The following PCSK6 variants were observed in gnomAD, a reference collection of about 807,000 sequenced individuals.
PCSK6 encodes paired basic amino acid cleaving enzyme 4.
A neutral mutation model predicts 123.3 loss-of-function variants in PCSK6; 85 were observed. The ratio of observed to expected loss-of-function variants is 0.69; its 90% CI spans 0.58 to 0.83. PCSK6 has a LOEUF of 0.83. Ranked by LOEUF, PCSK6 falls within the 40% of genes least tolerant of loss-of-function variation. The pLI, the probability that PCSK6 is intolerant of heterozygous loss-of-function variation, is 0.00. For synonymous variants in PCSK6, 508 were observed against 516.0 expected, an observed-to-expected ratio of 0.98 and a Z score of 0.21; for missense variants, 1,191 against 1,282.3, an observed-to-expected ratio of 0.93 and a Z score of 1.09.
At chr15:101,372,878 A>T (rs2041626871) in intron 11 of PCSK6, among the ~76,000 whole-genome samples, 1 of 152,078 alleles carries the variant, frequency 6.6e-6, no homozygotes, top group South Asian at 2.1e-4. Context: ...CGGTCCCCAC[A>T]CTCCAACCAA....
At chr15:101,455,356 C>T (rs1207731516) in intron 1 of PCSK6, among the ~76,000 whole-genome samples, 3 of 152,200 alleles carry the variant, frequency 2.0e-5, no homozygotes, top group Non-Finnish European at 4.4e-5. Flanking sequence ...CTCTTAGCTC[C>T]GGAAAGCGCT....
chr15:101,388,575 C>T (rs2042137182), intron 9 of PCSK6, among the ~76,000 whole-genome samples: 1 of 152,218 alleles, frequency 6.6e-6, no homozygotes, highest in East Asian at 1.9e-4. Context: ...CCAGCGCAAC[C>T]TAAAGTGTGG....
At chr15:101,473,662 G>C (rs1257358641) in intron 1 of PCSK6, among the ~76,000 whole-genome samples, 1 of 152,178 alleles carries the variant, frequency 6.6e-6, no homozygotes, top group African/African-American at 2.4e-5. Flanking sequence ...TGGATCACCT[G>C]AGGTCAGGAG....
At chr15:101,333,812 A>G (rs906693774) in intron 13 of PCSK6, among the ~76,000 whole-genome samples, 1 of 152,172 alleles carries the variant, frequency 6.6e-6, no homozygotes, top group Non-Finnish European at 1.5e-5. Context: ...CGGGCAGGTG[A>G]AAGACAGGCG....
chr15:101,384,769 G>C (rs551160446), intron 9 of PCSK6, among the ~76,000 whole-genome samples: 6 of 152,240 alleles, frequency 3.9e-5, no homozygotes, highest in African/African-American at 1.2e-4. Context: ...TTAAATACTT[G>C]GGGTTATTCT....
intron 6 of PCSK6, among the ~76,000 whole-genome samples, chr15:101,403,030 A>C (rs955578919): frequency 2.6e-5 from 4 of 152,316 alleles, no homozygotes; most frequent in African/African-American, 7.2e-5. Context: ...CCAAATGTCC[A>C]ACAATGATAG....
chr15:101,351,803 A>G (rs2040897388), intron 13 of PCSK6, among the ~76,000 whole-genome samples: 1 of 152,214 alleles, frequency 6.6e-6, no homozygotes, highest in African/African-American at 2.4e-5. Context: ...ACAGCCAAAT[A>G]AACAGCCCTC....
chr15:101,444,229 C>T (rs142219477), intron 1 of PCSK6, among the ~76,000 whole-genome samples: 40 of 152,284 alleles, frequency 2.6e-4, no homozygotes, highest in African/African-American at 8.2e-4. Flanking sequence ...CTGCCAGGGG[C>T]AGTTTGTCAG....
intron 1 of PCSK6, among the ~76,000 whole-genome samples, chr15:101,467,448 T>G (rs2057491446): frequency 6.6e-6 from 1 of 152,002 alleles, no homozygotes; most frequent in Non-Finnish European, 1.5e-5. Flanking sequence ...ATTTTTTGTA[T>G]TTTTAGTAGA....
intron 12 of PCSK6, among the ~76,000 whole-genome samples, chr15:101,368,501 G>T (rs2041468300): frequency 6.6e-6 from 1 of 152,222 alleles, no homozygotes; most frequent in South Asian, 2.1e-4. Context: ...GCCCAGCCAG[G>T]AGTGGAAGAG....
intron 13 of PCSK6, among the ~76,000 whole-genome samples, chr15:101,342,659 TG>T (rs2040641803): frequency 6.6e-6 from 1 of 152,234 alleles, no homozygotes; most frequent in Non-Finnish European, 1.5e-5. Context: ...CCCAGCACTT[TG>T]GGAGGCTGAG....
chr15:101,449,076 C>A (rs1461063828), intron 1 of PCSK6, among the ~76,000 whole-genome samples: 2 of 152,084 alleles, frequency 1.3e-5, no homozygotes, highest in Non-Finnish European at 2.9e-5. Context: ...TGTATACAGT[C>A]ATGCCTTGGC....
chr15:101,351,467 A>G (rs920754986), intron 13 of PCSK6, among the ~76,000 whole-genome samples: 1 of 152,184 alleles, frequency 6.6e-6, no homozygotes, highest in African/African-American at 2.4e-5. Context: ...AATATTACCC[A>G]ATATTTACGC....
At chr15:101,473,607 CT>C (rs775732778) in intron 1 of PCSK6, among the ~76,000 whole-genome samples, 1 of 152,210 alleles carries the variant, frequency 6.6e-6, no homozygotes, top group Non-Finnish European at 1.5e-5. Flanking sequence ...CACAGACAGG[CT>C]TTTGCATCTT....
At chr15:101,410,140 T>G (rs1300426086) in intron 6 of PCSK6, among the ~76,000 whole-genome samples, 1 of 152,246 alleles carries the variant, frequency 6.6e-6, no homozygotes, top group African/African-American at 2.4e-5. Context: ...ACTATGTTGT[T>G]GAGGCTGGTT....
intron 2 of PCSK6, among the ~76,000 whole-genome samples, chr15:101,441,199 C>T (rs1456738635): frequency 6.6e-6 from 1 of 152,262 alleles, no homozygotes; most frequent in African/African-American, 2.4e-5. Flanking sequence ...AGTCTCTATC[C>T]TTCCTTCTGC....
At chr15:101,447,206 G>A (rs888789545) in intron 1 of PCSK6, among the ~76,000 whole-genome samples, 5 of 152,168 alleles carry the variant, frequency 3.3e-5, no homozygotes, top group Non-Finnish European at 5.9e-5. Context: ...CCCAGTGAGG[G>A]AGGCTGTTCC....
rs1437156276 is a variant in PCSK6, at chr15:101,382,057, C to A, written c.1532+35G>T. ...ACAGAGTCAGCTCCAAACCCACGTG[C>A]CTGAGAAGTCACCGATGCCACAGCA... is the stretch of plus-strand genomic sequence containing the variant. On this transcript the variant is annotated intron_variant, in intron 11 of 21. Coordinates refer to ENST00000611716, the MANE Select transcript of PCSK6 (RefSeq NM_002570.5). 6.2e-6 allele frequency: 9 copies of A among 1,452,062 alleles called. No homozygotes were observed. The Admixed American group carries it at 1.3e-4, about 21-fold the overall frequency. The allele number at this position is 1,452,062 out of a possible 1,614,324, so 89.9% of individuals were successfully genotyped here.
At chr15:101,450,447 T>TCAGGCCTCC (rs956159006) in intron 1 of PCSK6, among the ~76,000 whole-genome samples, 1 of 152,184 alleles carries the variant, frequency 6.6e-6, no homozygotes, top group South Asian at 2.1e-4. Context: ...GGAAGCCCTC[T>TCAGGCCTCC]CAGGCCTCCC....
Sources: allele counts gnomAD v4.1 joint callset (sites outside exome capture counted in the v4.1 genomes callset), GRCh38; gene constraint gnomAD v4.1.1; transcripts MANE v1.5; gene names NCBI Gene and HGNC (gene_info 2026-07-23, HGNC 2026-07-21).